MSRB3: variants seen among roughly 807,000 people sequenced by gnomAD.
MSRB3 encodes the protein methionine-R-sulfoxide reductase B3.
MSRB3 carries 13 observed loss-of-function variants against 21.0 expected under a neutral mutation model. That is an observed-to-expected ratio of 0.62 (90% confidence interval 0.40 to 0.98). MSRB3 has a LOEUF of 0.98. MSRB3 is among the 50% of genes least tolerant of loss of function. The pLI is 0.00. For synonymous variants in MSRB3, 87 were observed against 88.6 expected (o/e 0.98, Z 0.10); for missense variants, 199 against 230.3 (o/e 0.86, Z 0.88).
intron 4 of MSRB3, among the ~76,000 whole-genome samples, chr12:65,348,678 T>G (rs767798478): frequency 6.6e-5 from 10 of 152,204 alleles, no homozygotes; most frequent in Non-Finnish European, 1.3e-4. Context: ...ATTGTGACGT[T>G]AGGGTGTCAA....
intron 5 of MSRB3, among the ~76,000 whole-genome samples, chr12:65,370,762 A>T (rs1878274026): frequency 6.6e-6 from 1 of 152,218 alleles, no homozygotes; most frequent in Non-Finnish European, 1.5e-5. Context: ...TATTTAAAAA[A>T]AATCTATCAT....
chr12:65,282,692 T>C (rs202161854), intron 1 of MSRB3, among the ~76,000 whole-genome samples: 9 of 151,284 alleles, frequency 5.9e-5, no homozygotes, highest in East Asian at 3.9e-4. Flanking sequence ...TTTTTTTTTT[T>C]TCTCTTCATG....
At chr12:65,452,101 A>T (rs1239726377) in intron 5 of MSRB3, among the ~76,000 whole-genome samples, 2 of 152,198 alleles carry the variant, frequency 1.3e-5, no homozygotes, top group Non-Finnish European at 2.9e-5. Context: ...TGAACTCTAG[A>T]AATAGGACTA....
At chr12:65,334,740 A>G (rs917159950) in intron 4 of MSRB3, among the ~76,000 whole-genome samples, 2 of 152,210 alleles carry the variant, frequency 1.3e-5, no homozygotes, top group Admixed American at 6.5e-5. Flanking sequence ...CTGACAAGAA[A>G]ATGGAGCCAA....
At chr12:65,458,926 C>A (rs1883204485) in intron 6 of MSRB3, among the ~76,000 whole-genome samples, 1 of 152,192 alleles carries the variant, frequency 6.6e-6, no homozygotes, top group Admixed American at 6.5e-5. Flanking sequence ...TCCTCCAACC[C>A]CAGCCTGTTA....
chr12:65,282,598 A>G (rs2136381834), intron 1 of MSRB3, among the ~76,000 whole-genome samples: 1 of 152,160 alleles, frequency 6.6e-6, no homozygotes, highest in Non-Finnish European at 1.5e-5. Flanking sequence ...GACCTCATTT[A>G]GGGCCTGAGA....
chr12:65,391,079 T>C (rs1229828057), intron 5 of MSRB3, among the ~76,000 whole-genome samples: 2 of 152,146 alleles, frequency 1.3e-5, no homozygotes, highest in African/African-American at 4.8e-5. Flanking sequence ...GGACAGGGAA[T>C]GTGATTTGCA....
At chr12:65,317,838 C>CTA (rs1874399361) in intron 2 of MSRB3, among the ~76,000 whole-genome samples, 1 of 152,178 alleles carries the variant, frequency 6.6e-6, no homozygotes, top group East Asian at 1.9e-4. Context: ...TAGCCAAGAT[C>CTA]ATTATTTAGA....
At chr12:65,382,828 A>G (rs1879010711) in intron 5 of MSRB3, among the ~76,000 whole-genome samples, 2 of 151,942 alleles carry the variant, frequency 1.3e-5, no homozygotes, top group South Asian at 2.1e-4. Context: ...TCCAGCATAT[A>G]TGTTATACAC....
intron 5 of MSRB3, among the ~76,000 whole-genome samples, chr12:65,447,381 T>A (rs969831099): frequency 6.6e-6 from 1 of 152,144 alleles, no homozygotes; most frequent in African/African-American, 2.4e-5. Flanking sequence ...CAGAGATATT[T>A]TAGGGAATCA....
At chr12:65,327,757 A>G (rs1263372552) in intron 3 of MSRB3, among the ~76,000 whole-genome samples, 1 of 152,222 alleles carries the variant, frequency 6.6e-6, no homozygotes, top group Non-Finnish European at 1.5e-5. Context: ...CTGTCACAGT[A>G]TCTACTGTTT....
At position 65,347,193 on chromosome 12, in the gene MSRB3, G is replaced by T. The variant is rs138621677; in HGVS notation, c.263+18590G>T. On this transcript the variant is annotated intron_variant, in intron 4 of 6. Coordinates refer to ENST00000308259, the MANE Select transcript of MSRB3 (RefSeq NM_001031679.3). ...CCTTGGGCAGTATGGGCATTTTCAC[G>T]ATATTGATTCTTCCTACCCATGAGC... Among the ~76,000 whole-genome samples the T allele has an allele frequency of 2.6e-3, 402 of 152,202 alleles. 2 individuals are homozygous for T. Among genetic ancestry groups the T allele is most frequent in the African/African-American group, 9.1e-3 (377 of 41,534 alleles).
chr12:65,297,154 G>C (rs1246286823), intron 1 of MSRB3, among the ~76,000 whole-genome samples: 1 of 152,118 alleles, frequency 6.6e-6, no homozygotes, highest in African/African-American at 2.4e-5. Flanking sequence ...TCACTTATAA[G>C]TGGGGGCTGA....
At chr12:65,322,591 G>A (rs1874746407) in intron 2 of MSRB3, among the ~76,000 whole-genome samples, 1 of 146,640 alleles carries the variant, frequency 6.8e-6, no homozygotes, top group Admixed American at 7.1e-5. Flanking sequence ...AATCCGAAAT[G>A]CAGAGGTTGC....
chr12:65,364,364 G>A (rs538709193), intron 4 of MSRB3, among the ~76,000 whole-genome samples: 2 of 152,264 alleles, frequency 1.3e-5, no homozygotes, highest in Admixed American at 1.3e-4. Context: ...AATATTGGAA[G>A]GCAGTAACAT....
At chr12:65,326,496 G>A (rs916983757) in intron 2 of MSRB3, among the ~76,000 whole-genome samples, 3 of 151,470 alleles carry the variant, frequency 2.0e-5, no homozygotes, top group Non-Finnish European at 4.4e-5. Flanking sequence ...TTATGCTTTT[G>A]AATTTATTTG....
chr12:65,443,944 C>T (rs1344243710), intron 5 of MSRB3, among the ~76,000 whole-genome samples: 1 of 151,854 alleles, frequency 6.6e-6, no homozygotes, highest in Admixed American at 6.6e-5. Context: ...AAGTTATTAC[C>T]TTTTAATTCA....
At chr12:65,385,270 TC>T (rs1171833059) in intron 5 of MSRB3, among the ~76,000 whole-genome samples, 5 of 152,102 alleles carry the variant, frequency 3.3e-5, no homozygotes, top group Non-Finnish European at 5.9e-5. Flanking sequence ...TGTTATTAAA[TC>T]CCTTTAAAAA....
intron 2 of MSRB3, among the ~76,000 whole-genome samples, chr12:65,313,434 A>T (rs1326474493): frequency 9.9e-5 from 15 of 152,076 alleles, no homozygotes; most frequent in Non-Finnish European, 2.2e-4. Context: ...GGTCATGAAA[A>T]ATATGGACAA....
Sources: gnomAD v4.1 joint callset for allele counts (sites outside exome capture counted in the v4.1 genomes callset) on GRCh38, gnomAD v4.1.1 for gene constraint, MANE v1.5 for transcripts, NCBI Gene and HGNC (gene_info 2026-07-23, HGNC 2026-07-21) for gene names.